Variants in NPAS3 observed in about 807,000 individuals in gnomAD.
NPAS3 encodes neuronal PAS domain-containing protein 3.
A neutral mutation model predicts 73.1 loss-of-function variants in NPAS3; 14 were observed. The ratio of observed to expected loss-of-function variants is 0.19; its 90% CI spans 0.13 to 0.30. NPAS3 has a LOEUF of 0.30. NPAS3 is among the 10% of genes least tolerant of loss of function. The pLI, the probability that NPAS3 is intolerant of heterozygous loss-of-function variation, is 1.00. For synonymous variants in NPAS3, 620 were observed against 541.5 expected, an observed-to-expected ratio of 1.14 and a Z score of -2.01; for missense variants, 1,096 against 1,250.0, an observed-to-expected ratio of 0.88 and a Z score of 1.86.
intron 1 of NPAS3, among the ~76,000 whole-genome samples, chr14:33,001,171 G>A (rs144402003): frequency 3.3e-4 from 51 of 152,290 alleles, no homozygotes; most frequent in Admixed American, 6.5e-4. Flanking sequence ...TACATTCTAG[G>A]TTCTAGGAGT....
At chr14:33,577,714 C>A (rs774716933) in intron 5 of NPAS3, among the ~76,000 whole-genome samples, 1 of 152,212 alleles carries the variant, frequency 6.6e-6, no homozygotes, top group Non-Finnish European at 1.5e-5. Context: ...GATATTCTGT[C>A]TTCTCTAAAA....
chr14:33,711,619 G>A (rs2060821209), intron 6 of NPAS3, among the ~76,000 whole-genome samples: 1 of 152,096 alleles, frequency 6.6e-6, no homozygotes. Context: ...TATAATGACA[G>A]GACCTAGATA....
In NPAS3 at chr14:32,942,685, G is replaced by A. The variant is rs75710823; in HGVS notation, c.50+3319G>A. Among the ~76,000 whole-genome samples, 976 of 152,264 alleles carry A rather than the reference G, an allele frequency of 6.4e-3. 10 individuals are homozygous for A. Among genetic ancestry groups the A allele is most frequent in the African/African-American group, 0.022 (932 of 41,554 alleles). ...TAGCACAAGGCTTTTGGTTTAAAAA[G>A]TAAAGGTGGTGGAGACTGGTTTTTG... On this transcript the variant is annotated intron_variant, in intron 1 of 11. Coordinates refer to ENST00000356141, the Ensembl canonical transcript of NPAS3.
intron 3 of NPAS3, among the ~76,000 whole-genome samples, chr14:33,319,546 G>T: frequency 6.6e-6 from 1 of 152,096 alleles, no homozygotes; most frequent in East Asian, 1.9e-4. Flanking sequence ...CCTATGTGAG[G>T]CACTGTGCTG....
chr14:33,585,460 G>T (rs1263201246), intron 5 of NPAS3, among the ~76,000 whole-genome samples: 1 of 152,108 alleles, frequency 6.6e-6, no homozygotes, highest in Non-Finnish European at 1.5e-5. Flanking sequence ...ACATTTTCAC[G>T]CTTCATTTTT....
intron 1 of NPAS3, among the ~76,000 whole-genome samples, chr14:32,960,051 C>T (rs1333706217): frequency 1.4e-5 from 2 of 142,874 alleles, no homozygotes; most frequent in Non-Finnish European, 3.0e-5. Flanking sequence ...TTCTTCCTGT[C>T]CTTCCCAGTA....
At chr14:33,321,769 CTAT>C (rs2043458021) in intron 3 of NPAS3, among the ~76,000 whole-genome samples, 3 of 152,022 alleles carry the variant, frequency 2.0e-5, no homozygotes, top group Admixed American at 1.3e-4. Context: ...GTCACTATTC[CTAT>C]TATTATTTTA....
chr14:33,345,023 GC>G (rs150996624), intron 3 of NPAS3, among the ~76,000 whole-genome samples: 1 of 152,328 alleles, frequency 6.6e-6, no homozygotes, highest in African/African-American at 2.4e-5. Context: ...GAAATTGCTT[GC>G]AAGCTCCGGT....
At chr14:33,499,162 T>C (rs1462926133) in intron 4 of NPAS3, among the ~76,000 whole-genome samples, 1 of 151,896 alleles carries the variant, frequency 6.6e-6, no homozygotes, top group South Asian at 2.1e-4. Flanking sequence ...AGAAATTTAA[T>C]TTTTCCAAAA....
chr14:33,098,714 A>T (rs1019186499), intron 2 of NPAS3, among the ~76,000 whole-genome samples: 2 of 152,246 alleles, frequency 1.3e-5, no homozygotes, highest in Non-Finnish European at 2.9e-5. Flanking sequence ...TAGTGTATCA[A>T]ACTAGACTTT....
chr14:33,102,841 A>G (rs534075937), intron 2 of NPAS3, among the ~76,000 whole-genome samples: 1 of 152,324 alleles, frequency 6.6e-6, no homozygotes, highest in East Asian at 1.9e-4. Context: ...TTAATTATTT[A>G]GAAGTTTCTG....
At chr14:33,553,304 CT>C (rs1235873426) in intron 4 of NPAS3, among the ~76,000 whole-genome samples, 1 of 152,148 alleles carries the variant, frequency 6.6e-6, no homozygotes, top group East Asian at 1.9e-4. Flanking sequence ...TCTCTTTGTT[CT>C]TCTCATGTTT....
intron 6 of NPAS3, among the ~76,000 whole-genome samples, chr14:33,685,484 T>A (rs1464742379): frequency 6.6e-6 from 1 of 151,910 alleles, no homozygotes; most frequent in Admixed American, 6.6e-5. Context: ...GCCTAAAAAT[T>A]GCCTAACACT....
intron 6 of NPAS3, among the ~76,000 whole-genome samples, chr14:33,694,147 T>C (rs1224598845): frequency 6.6e-6 from 1 of 152,138 alleles, no homozygotes; most frequent in Non-Finnish European, 1.5e-5. Flanking sequence ...TCAGTCAAGC[T>C]TGAACATTTA....
At position 33,180,799 on chromosome 14, in the gene NPAS3, C is replaced by T. The variant is rs71399642; in HGVS notation, c.141-34383C>T. On this transcript the variant is annotated intron_variant, in intron 2 of 11. Transcript: ENST00000356141. ...GGGCGACAGAGCGAGACACTGTCTC[C>T]AAGAAAAAAAAAAAAAAAAAAAAAA... is the stretch of plus-strand genomic sequence containing the variant. Among the ~76,000 whole-genome samples the T allele has an allele frequency of 3.4e-3, 237 of 69,354 alleles. 9 individuals carry two copies. Among genetic ancestry groups the T allele is most frequent in the Middle Eastern group, 0.013 (1 of 80 alleles). The allele number at this position is 69,354 out of a possible 152,430, so 45.5% of individuals were successfully genotyped here.
chr14:32,941,323 C>CCTTCCTTCCTTCCTTT (rs2036006414), intron 1 of NPAS3, among the ~76,000 whole-genome samples: 3 of 112,230 alleles, frequency 2.7e-5, no homozygotes, highest in Non-Finnish European at 5.4e-5. Flanking sequence ...TTCCTTCCTT[C>CCTTCCTTCCTTCCTTT]CTTCCTTCCT....
intron 1 of NPAS3, among the ~76,000 whole-genome samples, chr14:33,001,061 A>C (rs1266745670): frequency 6.6e-6 from 1 of 152,224 alleles, no homozygotes; most frequent in Non-Finnish European, 1.5e-5. Context: ...GTGACTTAAT[A>C]AAATCAAAGG....
chr14:33,138,051 CTT>C (rs779900834), intron 2 of NPAS3, among the ~76,000 whole-genome samples: 3 of 110,828 alleles, frequency 2.7e-5, no homozygotes, highest in Admixed American at 8.9e-5. Flanking sequence ...TAATCTATCA[CTT>C]TTTTTTTTTT....
intron 5 of NPAS3, among the ~76,000 whole-genome samples, chr14:33,675,704 T>G (rs2059742261): frequency 1.3e-5 from 2 of 152,210 alleles, no homozygotes; most frequent in Admixed American, 1.3e-4. Flanking sequence ...TTCTTACATT[T>G]AAATTTACAT....
Sources: allele counts gnomAD v4.1 joint callset (sites outside exome capture counted in the v4.1 genomes callset), GRCh38; gene constraint gnomAD v4.1.1; transcripts MANE v1.5; gene names NCBI Gene and HGNC (gene_info 2026-07-23, HGNC 2026-07-21).